Variants in NLGN4Y observed in about 807,000 individuals in gnomAD.
NLGN4Y encodes neuroligin-4, Y-linked.
NLGN4Y carries 4 observed loss-of-function variants against 8.4 expected under a neutral mutation model. The ratio of observed to expected loss-of-function variants is 0.48; its 90% CI spans 0.23 to 1.09. NLGN4Y has a LOEUF of 1.09. NLGN4Y is among the 50% of genes least tolerant of loss of function. The pLI, the probability that NLGN4Y is intolerant of heterozygous loss-of-function variation, is 0.19. For synonymous variants in NLGN4Y, 35 were observed against 75.6 expected, an observed-to-expected ratio of 0.46 and a Z score of 2.78; for missense variants, 90 against 192.3, an observed-to-expected ratio of 0.47 and a Z score of 3.15.
At chrY:14,810,489 A>G (rs2043073974) in intron 4 of NLGN4Y, among the ~76,000 whole-genome samples, 1 of 31,534 alleles carries the variant, frequency 3.2e-5, no homozygotes, top group African/African-American at 1.2e-4. Flanking sequence ...AAATCATGGC[A>G]CTGCACTCCA....
Position 14,708,589 on chromosome Y carries a change from A to G in NLGN4Y, c.473-10870A>G, listed in dbSNP as rs199933010. On this transcript the variant is annotated intron_variant, in intron 2 of 6. Transcript: ENST00000684976. ...GTTTATTTAGGAATATAATGCTGGG[A>G]TGAACAGGGAATGCCTTTCTTAGGA... Among the ~76,000 whole-genome samples, 58 of 33,758 alleles carry G rather than the reference A, an allele frequency of 1.7e-3. No homozygotes were observed. In the East Asian group the frequency reaches 0.046, roughly 26 times the overall value. 90.6% of individuals were successfully genotyped at this position (33,758 alleles called of 37,273 possible).
At chrY:14,649,340 A>G in intron 2 of NLGN4Y, among the ~76,000 whole-genome samples, 1 of 33,757 alleles carries the variant, frequency 3.0e-5, no homozygotes, top group Non-Finnish European at 7.3e-5. Context: ...TGGAGCAAAT[A>G]CTATTGTGTT....
At chrY:14,742,472 C>T (rs1384120849) in intron 4 of NLGN4Y, among the ~76,000 whole-genome samples, 2 of 32,247 alleles carry the variant, frequency 6.2e-5, no homozygotes, top group African/African-American at 1.2e-4. Flanking sequence ...AGTAAGAGTC[C>T]CTGCCACATA....
chrY:14,539,497 TTTTTTGACA>T (rs2150464058), intron 1 of NLGN4Y, among the ~76,000 whole-genome samples: 1 of 32,932 alleles, frequency 3.0e-5, no homozygotes, highest in South Asian at 6.9e-4. Context: ...TCTTTGTATA[TTTTTTGACA>T]TTTAGGTTAT....
chrY:14,773,727 G>A, intron 4 of NLGN4Y, among the ~76,000 whole-genome samples: 1 of 33,029 alleles, frequency 3.0e-5, no homozygotes, highest in African/African-American at 1.2e-4. Context: ...CAGATGTATC[G>A]ATTAGTGGAA....
chrY:14,734,594 A>G, intron 4 of NLGN4Y, among the ~76,000 whole-genome samples: 1 of 33,680 alleles, frequency 3.0e-5, no homozygotes, highest in Non-Finnish European at 7.3e-5. Flanking sequence ...TGGAGCTCAG[A>G]TGTCATTACA....
chrY:14,529,840 T>C (rs752672496), intron 1 of NLGN4Y, among the ~76,000 whole-genome samples: 1 of 30,445 alleles, frequency 3.3e-5, no homozygotes, highest in Non-Finnish European at 7.8e-5. Context: ...TACACATACA[T>C]GTGCACATAT....
At chrY:14,576,972 A>C in intron 1 of NLGN4Y, among the ~76,000 whole-genome samples, 1 of 33,278 alleles carries the variant, frequency 3.0e-5, no homozygotes, top group Admixed American at 2.7e-4. Flanking sequence ...AAGTCACCGT[A>C]CTCCTTCAAG....
At chrY:14,799,608 T>C (rs781737080) in intron 4 of NLGN4Y, among the ~76,000 whole-genome samples, 2 of 33,392 alleles carry the variant, frequency 6.0e-5, no homozygotes, top group East Asian at 8.0e-4. Flanking sequence ...CTGAAGAGGA[T>C]TGAGAAATGG....
At chrY:14,750,069 A>G in intron 4 of NLGN4Y, among the ~76,000 whole-genome samples, 1 of 33,246 alleles carries the variant, frequency 3.0e-5, no homozygotes, top group African/African-American at 1.2e-4. Flanking sequence ...GGAGTTTCAT[A>G]TCTGAGATTC....
chrY:14,761,961 T>C, intron 4 of NLGN4Y, among the ~76,000 whole-genome samples: 1 of 33,640 alleles, frequency 3.0e-5, no homozygotes, highest in South Asian at 6.8e-4. Context: ...GATACCAGCC[T>C]GTGTCATATA....
chrY:14,627,041 C>T (rs2080530595), intron 2 of NLGN4Y, among the ~76,000 whole-genome samples: 1 of 30,627 alleles, frequency 3.3e-5, no homozygotes, highest in Non-Finnish European at 7.8e-5. Flanking sequence ...AAAAATTAGC[C>T]GGGTATGGTG....
chrY:14,724,927 C>A (rs2080950607), intron 4 of NLGN4Y, among the ~76,000 whole-genome samples: 1 of 32,941 alleles, frequency 3.0e-5, no homozygotes. Flanking sequence ...CAGGTGTTGG[C>A]GACCTTGCCA....
chrY:14,707,091 GTATATATATATATATATA>G lies in NLGN4Y; in HGVS notation c.473-12342_473-12325del, dbSNP rs1460684278. Among the ~76,000 whole-genome samples the G allele has an allele frequency of 0.023, 90 of 3,887 alleles. No individual in the cohort carries two copies. The Middle Eastern group carries it at 0.62, about 27-fold the overall frequency. 10.4% of individuals were successfully genotyped at this position (3,887 alleles called of 37,273 possible). On this transcript the variant is annotated intron_variant, in intron 2 of 6. Transcript: ENST00000684976. ...GGGCAATTAAAAGTCAATTTTATGTGTATATATATATATATATATATATATATATATATATATATATAT... is the reference window on the plus strand; with the variant it reads ...GGGCAATTAAAAGTCAATTTTATGTGTATATATATATATATATATATATAT...
chrY:14,724,991 T>C lies in NLGN4Y; in HGVS notation c.685+1722T>C, dbSNP rs757544174. Among the ~76,000 whole-genome samples the C allele has an allele frequency of 1.2e-3, 40 of 33,235 alleles. No individual in the cohort carries two copies. The South Asian group carries it at 0.027, about 22-fold the overall frequency. 89.2% of individuals were successfully genotyped at this position (33,235 alleles called of 37,273 possible). On this transcript the variant is annotated intron_variant, in intron 4 of 6. Coordinates refer to ENST00000684976, the MANE Select transcript of NLGN4Y (RefSeq NM_001365588.1). Reference sequence around the variant, plus strand: ...CATTGGATTTAGGGTTTATCCTAAATTCAGGATAATTATATCTGAAGACCC... The same window carrying C: ...CATTGGATTTAGGGTTTATCCTAAACTCAGGATAATTATATCTGAAGACCC...
At chrY:14,741,407 T>G (rs969215627) in intron 4 of NLGN4Y, among the ~76,000 whole-genome samples, 4 of 33,679 alleles carry the variant, frequency 1.2e-4, no homozygotes, top group Admixed American at 1.1e-3. Flanking sequence ...GGTTCATTGC[T>G]GCAAAAGGAA....
intron 2 of NLGN4Y, among the ~76,000 whole-genome samples, chrY:14,646,839 C>G (rs2080612464): frequency 2.9e-5 from 1 of 34,153 alleles, no homozygotes; most frequent in East Asian, 8.0e-4. Context: ...CTACAATATA[C>G]AGTTCTTGAC....
chrY:14,731,473 C>T, intron 4 of NLGN4Y, among the ~76,000 whole-genome samples: 1 of 32,884 alleles, frequency 3.0e-5, no homozygotes, highest in Non-Finnish European at 7.4e-5. Flanking sequence ...TGCTTTTTGA[C>T]GTTTTTCAAA....
chrY:14,555,374 C>A (rs761247882), intron 1 of NLGN4Y, among the ~76,000 whole-genome samples: 1 of 32,855 alleles, frequency 3.0e-5, no homozygotes, highest in African/African-American at 1.2e-4. Flanking sequence ...TTCCTTGTAT[C>A]CTCATGTGGT....
Sources: gnomAD v4.1 joint callset for allele counts (sites outside exome capture counted in the v4.1 genomes callset) on GRCh38, gnomAD v4.1.1 for gene constraint, MANE v1.5 for transcripts, NCBI Gene and HGNC (gene_info 2026-07-23, HGNC 2026-07-21) for gene names.